The following ZNF804B variants were observed in gnomAD, a reference collection of about 807,000 sequenced individuals.
ZNF804B encodes zinc finger 804B.
ZNF804B carries 80 observed loss-of-function variants against 101.4 expected under a neutral mutation model. The observed-to-expected ratio is 0.79, with a 90% CI of 0.66 to 0.95. ZNF804B has a LOEUF of 0.95. Among genes scored for constraint, ZNF804B ranks in the 40% least tolerant of loss-of-function variants. The probability of loss-of-function intolerance (pLI) is 0.00; values close to 1 mark genes in which losing one functional copy is unlikely to be tolerated. For missense variants in ZNF804B, 1,673 were observed against 1,561.9 expected, an observed-to-expected ratio of 1.07 and a Z score of -1.20; for synonymous variants, 622 against 558.8, an observed-to-expected ratio of 1.11 and a Z score of -1.59.
At chr7:89,156,019 CCTTTCTTTCTTTCTTTCTTT>C (rs58720640) in intron 1 of ZNF804B, among the ~76,000 whole-genome samples, 13,267 of 121,484 alleles carry the variant, frequency 0.11, 729 homozygotes, top group Admixed American at 0.15. Context: ...TTCTCTCTTT[CCTTTCTTTCTTTCTTTCTTT>C]CTTTCTTTCT....
intron 1 of ZNF804B, among the ~76,000 whole-genome samples, chr7:89,009,707 A>C (rs930017526): frequency 7.9e-5 from 12 of 152,224 alleles, no homozygotes; most frequent in African/African-American, 2.9e-4. Context: ...CAGGGAGAAG[A>C]TGCTGTTTAT....
intron 2 of ZNF804B, among the ~76,000 whole-genome samples, chr7:89,317,564 A>T (rs1790751442): frequency 1.3e-5 from 2 of 152,246 alleles, no homozygotes; most frequent in Admixed American, 1.3e-4. Context: ...CCTGGCTAAG[A>T]AGCTGGAAAA....
At chr7:89,149,960 A>G (rs1790847881) in intron 1 of ZNF804B, among the ~76,000 whole-genome samples, 1 of 152,072 alleles carries the variant, frequency 6.6e-6, no homozygotes, top group South Asian at 2.1e-4. Flanking sequence ...GATAATTGTT[A>G]ATTTTGAATG....
intron 2 of ZNF804B, among the ~76,000 whole-genome samples, chr7:89,298,185 G>T (rs1314272187): frequency 2.0e-5 from 2 of 101,004 alleles, no homozygotes; most frequent in South Asian, 3.1e-4. Context: ...TATATAGTGT[G>T]TATATATATC....
intron 3 of ZNF804B, 108 bp downstream of exon 3, chr7:89,327,582 G>C (rs1790914549): frequency 7.0e-7 from 1 of 1,418,512 alleles, no homozygotes; most frequent in Admixed American, 2.5e-5. Flanking sequence ...CTAACTAATA[G>C]ATATGTCTGA....
chr7:89,185,180 G>A (rs1391552395), intron 1 of ZNF804B, among the ~76,000 whole-genome samples: 1 of 152,180 alleles, frequency 6.6e-6, no homozygotes, highest in Admixed American at 6.5e-5. Context: ...TATGTGAACA[G>A]ATCGATTTCA....
At chr7:88,882,128 C>G (rs1351876040) in intron 1 of ZNF804B, among the ~76,000 whole-genome samples, 2 of 152,130 alleles carry the variant, frequency 1.3e-5, no homozygotes, top group Non-Finnish European at 2.9e-5. Context: ...ATTTGCCTCA[C>G]TTAGTGTTTA....
intron 1 of ZNF804B, among the ~76,000 whole-genome samples, chr7:88,845,569 C>G (rs1302179611): frequency 6.6e-6 from 1 of 151,514 alleles, no homozygotes; most frequent in Admixed American, 6.6e-5. Flanking sequence ...AAGCTGCTGA[C>G]TTTTGCTCAG....
At chr7:89,192,633 C>T (rs1367961301) in intron 1 of ZNF804B, among the ~76,000 whole-genome samples, 1 of 151,912 alleles carries the variant, frequency 6.6e-6, no homozygotes, top group Non-Finnish European at 1.5e-5. Flanking sequence ...GAAGGAAGGA[C>T]TCCTACCCAA....
At chr7:89,225,663 G>C (rs1003152427) in intron 2 of ZNF804B, among the ~76,000 whole-genome samples, 3 of 152,064 alleles carry the variant, frequency 2.0e-5, no homozygotes, top group African/African-American at 7.2e-5. Flanking sequence ...GTAAACATAT[G>C]GGGTGCCTAA....
intron 2 of ZNF804B, among the ~76,000 whole-genome samples, chr7:89,268,096 A>G (rs1193592020): frequency 6.6e-6 from 1 of 152,122 alleles, no homozygotes; most frequent in Non-Finnish European, 1.5e-5. Flanking sequence ...TCTAATGAGT[A>G]TCTTTCTCCT....
At chr7:89,246,211 C>T (rs1160470194) in intron 2 of ZNF804B, among the ~76,000 whole-genome samples, 1 of 152,088 alleles carries the variant, frequency 6.6e-6, no homozygotes, top group African/African-American at 2.4e-5. Context: ...GAATTGTGCT[C>T]CCCACTGTGG....
At chr7:88,902,252 T>G (rs1792402954) in intron 1 of ZNF804B, among the ~76,000 whole-genome samples, 1 of 151,956 alleles carries the variant, frequency 6.6e-6, no homozygotes, top group Admixed American at 6.6e-5. Context: ...AATCCTAAGT[T>G]TTTATTATTT....
intron 1 of ZNF804B, among the ~76,000 whole-genome samples, chr7:89,051,780 C>A (rs1789209592): frequency 6.6e-6 from 1 of 152,100 alleles, no homozygotes; most frequent in South Asian, 2.1e-4. Context: ...GTTACAAGCA[C>A]AGACTGGTGT....
intron 1 of ZNF804B, among the ~76,000 whole-genome samples, chr7:88,778,054 TAA>T (rs1441443445): frequency 6.6e-6 from 1 of 152,136 alleles, no homozygotes; most frequent in African/African-American, 2.4e-5. Context: ...AAAAATAACA[TAA>T]GTTTATTATT....
intron 1 of ZNF804B, among the ~76,000 whole-genome samples, chr7:88,891,558 A>T (rs1027981187): frequency 6.6e-6 from 1 of 152,074 alleles, no homozygotes; most frequent in African/African-American, 2.4e-5. Context: ...TTTGAATTAT[A>T]AATTTGAGAA....
At chr7:89,129,362 C>A (rs1405264406) in intron 1 of ZNF804B, among the ~76,000 whole-genome samples, 1 of 151,952 alleles carries the variant, frequency 6.6e-6, no homozygotes, top group African/African-American at 2.4e-5. Context: ...AAATTAAAAT[C>A]AATGCTCAGT....
intron 1 of ZNF804B, among the ~76,000 whole-genome samples, chr7:88,951,456 A>G (rs1350607125): frequency 2.0e-5 from 3 of 151,740 alleles, no homozygotes; most frequent in Non-Finnish European, 2.9e-5. Context: ...ATACACACAC[A>G]TGCGCGTGCG....
chr7:88,861,785 A>ATGT (rs1791650627), intron 1 of ZNF804B, among the ~76,000 whole-genome samples: 1 of 152,196 alleles, frequency 6.6e-6, no homozygotes, highest in African/African-American at 2.4e-5. Context: ...AATCTGAGAT[A>ATGT]TGTAGCACAT....
Sources: gnomAD v4.1 joint callset for allele counts (sites outside exome capture counted in the v4.1 genomes callset) on GRCh38, gnomAD v4.1.1 for gene constraint, MANE v1.5 for transcripts, NCBI Gene and HGNC (gene_info 2026-07-23, HGNC 2026-07-21) for gene names.